FLYWCH1: variants seen among roughly 807,000 people sequenced by gnomAD.
FLYWCH1 encodes FLYWCH-type zinc finger 1, also known as FLYWCH-type zinc finger-containing protein 1.
A neutral mutation model predicts 66.4 loss-of-function variants in FLYWCH1; 75 were observed. That is an observed-to-expected ratio of 1.13 (90% confidence interval 0.94 to 1.37). FLYWCH1 has a LOEUF of 1.37. Ranked by LOEUF, FLYWCH1 falls within the 40% of genes most tolerant of loss-of-function variation. The pLI, the probability that FLYWCH1 is intolerant of heterozygous loss-of-function variation, is 0.00. For synonymous variants in FLYWCH1, 595 were observed against 429.9 expected (o/e 1.38, Z -4.75); for missense variants, 1,334 against 1,001.8 (o/e 1.33, Z -4.48).
intron 4 of FLYWCH1, among the ~76,000 whole-genome samples, chr16:2,932,867 C>T (rs1049098861): frequency 4.6e-5 from 7 of 151,776 alleles, no homozygotes; most frequent in Non-Finnish European, 1.0e-4. Flanking sequence ...TGAGACTCTC[C>T]TCTGGGTCAC....
chr16:2,943,774 C>A (rs960362090), intron 9 of FLYWCH1, among the ~76,000 whole-genome samples: 3 of 151,284 alleles, frequency 2.0e-5, no homozygotes, highest in East Asian at 2.0e-4. Flanking sequence ...TGTCTCTACT[C>A]AAAATACAAA....
At chr16:2,914,111 T>C (rs2070086517) in intron 1 of FLYWCH1, 65 bp from the exon 2 acceptor site, 1 of 152,256 alleles carries the variant, frequency 6.6e-6, no homozygotes, top group Admixed American at 6.5e-5. Context: ...TCTTGTCTAA[T>C]GGTCGACAGT....
At chr16:2,924,068 C>T (rs528994826) in intron 2 of FLYWCH1, among the ~76,000 whole-genome samples, 5 of 152,196 alleles carry the variant, frequency 3.3e-5, no homozygotes, top group Admixed American at 6.6e-5. Context: ...CGGTGACTCA[C>T]GCCGGTAATC....
rs1460541242 is a variant in FLYWCH1, at chr16:2,911,962, G to C, written c.-380G>C. On this transcript the variant is annotated 5_prime_UTR_variant, in exon 1 of 10. Coordinates refer to ENST00000253928, the MANE Select transcript of FLYWCH1 (RefSeq NM_001308068.2). ...GCGCGCCTGAGCGTTCCGCAAGGCC[G>C]GCTCCCCGGCGGGGTCGCGCGCGCG... 7.0e-6 allele frequency: 1 copy of C among 142,532 alleles called. No individual in the cohort carries two copies. The highest frequency in any genetic ancestry group is 1.6e-5 in the Non-Finnish European group (1 of 63,452). 8.8% of individuals were successfully genotyped at this position (142,532 alleles called of 1,614,324 possible).
rs140842349 is a variant in FLYWCH1, at chr16:2,941,189, A to T, written c.2111+1097A>T. Among the ~76,000 whole-genome samples, 1,044 of 152,330 alleles carry T rather than the reference A, an allele frequency of 6.9e-3. 10 individuals carry two copies. The highest frequency in any genetic ancestry group is 0.023 in the South Asian group (113 of 4,826). On this transcript the variant is annotated intron_variant, in intron 9 of 9. Transcript: ENST00000253928. Reference sequence around the variant, plus strand: ...TGAGTCAGACTGGGCATGGTGGCTCACGCCTGTAATCTCAACACTCTGGGA... The same window carrying T: ...TGAGTCAGACTGGGCATGGTGGCTCTCGCCTGTAATCTCAACACTCTGGGA...
chr16:2,938,603 C>CT (rs1477270822), intron 8 of FLYWCH1, 147 bp downstream of exon 8: 255 of 376,026 alleles, frequency 6.8e-4, no homozygotes, highest in African/African-American at 1.8e-3. Context: ...TGAAACCAGT[C>CT]TTTGTTTTTT....
Position 2,948,959 on chromosome 16 carries a change from G to T in FLYWCH1, c.*232G>T, listed in dbSNP as rs1195724734. The T allele has an allele frequency of 1.8e-6, 1 of 541,858 alleles. No homozygotes were observed. The highest frequency in any genetic ancestry group is 3.2e-5 in the East Asian group (1 of 31,624). 33.6% of individuals were successfully genotyped at this position (541,858 alleles called of 1,614,324 possible). A position where few individuals can be genotyped will look rare whatever the true frequency, so the allele number is the denominator to read the frequency against. ...GGCGCTTGCAGACGCAGCTGTCGTG[G>T]GGCAGGGCGGTGGCGCCTTCCTGAC... On this transcript the variant is annotated 3_prime_UTR_variant, in exon 10 of 10. Coordinates refer to ENST00000253928, the MANE Select transcript of FLYWCH1 (RefSeq NM_001308068.2).
In FLYWCH1 at chr16:2,919,235, G is replaced by A. The variant is rs371888679; in HGVS notation, c.-74+4946G>A. Among the ~76,000 whole-genome samples the A allele has an allele frequency of 8.0e-5, 12 of 150,284 alleles. No homozygotes were observed. In the East Asian group the frequency reaches 9.9e-4, roughly 12 times the overall value. ...CACCCAGCTGCTCTCTGATATATGC[G>A]TGTATATTTATTCATTTGTTTTAAT... On this transcript the variant is annotated intron_variant, in intron 2 of 9. Coordinates refer to ENST00000253928, the MANE Select transcript of FLYWCH1 (RefSeq NM_001308068.2).
intron 2 of FLYWCH1, among the ~76,000 whole-genome samples, chr16:2,920,794 G>A (rs955185668): frequency 6.7e-6 from 1 of 150,148 alleles, no homozygotes; most frequent in African/African-American, 2.5e-5. Flanking sequence ...GCCCACCTTG[G>A]CCTCCCGAAG....
intron 9 of FLYWCH1, among the ~76,000 whole-genome samples, chr16:2,945,453 T>A (rs575768987): frequency 7.1e-6 from 1 of 141,178 alleles, no homozygotes; most frequent in African/African-American, 2.7e-5. Flanking sequence ...TGCCACTGCA[T>A]TCCAGCCTGG....
At chr16:2,937,637 G>C (rs544879163) in intron 7 of FLYWCH1, among the ~76,000 whole-genome samples, 1 of 152,270 alleles carries the variant, frequency 6.6e-6, no homozygotes, top group South Asian at 2.1e-4. Flanking sequence ...TGGTGGCCAG[G>C]GGTGGCATTG....
rs572072446 is a variant in FLYWCH1, at chr16:2,921,770, G to C, written c.-74+7481G>C. 1.3e-4 allele frequency among the ~76,000 whole-genome samples: 19 copies of C among 151,908 alleles called. No homozygotes were observed. In the South Asian group the frequency reaches 3.8e-3, roughly 30 times the overall value. On this transcript the variant is annotated intron_variant, in intron 2 of 9. Transcript: ENST00000253928. ...CCTGCCACTAAAATAAAAAATAAAAGGTATTCATTCTGGCCGGGTGTGGTG... is the reference window on the plus strand; with the variant it reads ...CCTGCCACTAAAATAAAAAATAAAACGTATTCATTCTGGCCGGGTGTGGTG...
chr16:2,930,473 C>A lies in FLYWCH1; in HGVS notation c.389C>A (p.Ser130Tyr). 1 of 1,515,708 alleles carries A rather than the reference C, an allele frequency of 6.6e-7. No homozygotes were observed. Among genetic ancestry groups the A allele is most frequent in the Non-Finnish European group, 8.8e-7 (1 of 1,134,880 alleles). 93.9% of individuals were successfully genotyped at this position (1,515,708 alleles called of 1,614,324 possible). ...PFGGRLLVLE[S>Y]FLYKQEKAVG... ...GGGGGCCGCCTCCTGGTGCTGGAGT[C>A]CTTCCTGTACAAGCAGGAGAAGGCA... The change falls in exon 4 of 10, where the codon TCC becomes TAC. Residue 130 changes from serine (S) to tyrosine (Y), a missense_variant. Transcript: ENST00000253928.
rs116254399 is a variant in FLYWCH1, at chr16:2,916,053, G to C, written c.-74+1764G>C. 3.2e-3 allele frequency among the ~76,000 whole-genome samples: 484 copies of C among 152,138 alleles called. 2 individuals carry two copies. The highest frequency in any genetic ancestry group is 0.011 in the African/African-American group (463 of 41,526). The stretch of plus-strand genomic sequence containing the variant: ...CATAAGGAAACTTAGACTTTTTAAA[G>C]TCTGTTGTTTTGGCCAGGTGCCGTG... On this transcript the variant is annotated intron_variant, in intron 2 of 9. Transcript: ENST00000253928.
intron 2 of FLYWCH1, among the ~76,000 whole-genome samples, chr16:2,920,056 T>G (rs1323836207): frequency 1.3e-5 from 2 of 152,136 alleles, no homozygotes; most frequent in Non-Finnish European, 2.9e-5. Flanking sequence ...AGTTCAACAA[T>G]GGAAGTAGTT....
intron 6 of FLYWCH1, 113 bp downstream of exon 6, chr16:2,934,092 A>C: frequency 7.8e-7 from 1 of 1,290,072 alleles, no homozygotes; most frequent in Non-Finnish European, 1.0e-6. Context: ...CCCTTCTTTG[A>C]ACATCCTAGA....
chr16:2,949,100 G>T lies in FLYWCH1; in HGVS notation c.*373G>T. ...AGGGCTTTCCACCTGGCGAGGCCCC[G>T]CTCTGCTCAGCACGGTGCAAAGTGA... On this transcript the variant is annotated 3_prime_UTR_variant, in exon 10 of 10. Coordinates refer to ENST00000253928, the MANE Select transcript of FLYWCH1 (RefSeq NM_001308068.2). 1 of 326,000 alleles carries T rather than the reference G, an allele frequency of 3.1e-6. No individual in the cohort carries two copies. The highest frequency in any genetic ancestry group is 5.9e-6 in the Non-Finnish European group (1 of 168,482). The allele number at this position is 326,000 out of a possible 1,614,324, so 20.2% of individuals were successfully genotyped here. A position where few individuals can be genotyped will look rare whatever the true frequency, so the allele number is the denominator to read the frequency against.
Position 2,949,134 on chromosome 16 carries a change from G to C in FLYWCH1, c.*407G>C. ...AGCACGGTGCAAAGTGAATGCTGCT[G>C]TCTTGGAGCCTGGGCACGTTTGGGG... On this transcript the variant is annotated 3_prime_UTR_variant, in exon 10 of 10. Transcript: ENST00000253928. The C allele has an allele frequency of 4.9e-6, 1 of 204,356 alleles. No homozygotes were observed. Among genetic ancestry groups the C allele is most frequent in the Non-Finnish European group, 9.9e-6 (1 of 100,522 alleles). The allele number at this position is 204,356 out of a possible 1,614,324, so 12.7% of individuals were successfully genotyped here.
intron 2 of FLYWCH1, among the ~76,000 whole-genome samples, chr16:2,916,980 T>TAAA (rs56875032): frequency 4.1e-4 from 56 of 135,954 alleles, no homozygotes; most frequent in African/African-American, 1.4e-3. Context: ...CCATCTCTAG[T>TAAA]AAAAAAAAAA....
Sources: gnomAD v4.1 joint callset for allele counts (sites outside exome capture counted in the v4.1 genomes callset) on GRCh38, gnomAD v4.1.1 for gene constraint, MANE v1.5 for transcripts, NCBI Gene and HGNC (gene_info 2026-07-23, HGNC 2026-07-21) for gene names.